The following RARB variants were observed in gnomAD, a reference collection of about 807,000 sequenced individuals.
RARB encodes retinoic acid receptor beta.
A neutral mutation model predicts 51.9 loss-of-function variants in RARB; 17 were observed. The observed-to-expected ratio is 0.33, with a 90% CI of 0.22 to 0.49. The LOEUF is 0.49. Ranked by LOEUF, RARB falls within the 20% of genes least tolerant of loss-of-function variation. The pLI, the probability that RARB is intolerant of heterozygous loss-of-function variation, is 0.99. For synonymous variants in RARB, 215 were observed against 195.4 expected, an observed-to-expected ratio of 1.10 and a Z score of -0.84; for missense variants, 369 against 550.8, an observed-to-expected ratio of 0.67 and a Z score of 3.30.
At chr3:25,076,859 A>G (rs1243632902) in intron 3 of RARB, among the ~76,000 whole-genome samples, 5 of 152,210 alleles carry the variant, frequency 3.3e-5, no homozygotes, top group Admixed American at 3.3e-4. Flanking sequence ...GGGTTACTTT[A>G]TGAACCACAA....
intron 4 of RARB, among the ~76,000 whole-genome samples, chr3:25,145,852 A>G (rs1458921513): frequency 6.6e-6 from 1 of 150,594 alleles, no homozygotes; most frequent in Non-Finnish European, 1.5e-5. Flanking sequence ...AAAAAAAAAT[A>G]TTAACCAGGC....
At chr3:25,138,075 G>A (rs537280372) in intron 4 of RARB, among the ~76,000 whole-genome samples, 3 of 152,190 alleles carry the variant, frequency 2.0e-5, no homozygotes, top group Admixed American at 6.5e-5. Flanking sequence ...AGAAGGCTTT[G>A]TTTTGACTTC....
At chr3:25,553,345 C>A (rs1699922821) in intron 3 of RARB, among the ~76,000 whole-genome samples, 1 of 152,176 alleles carries the variant, frequency 6.6e-6, no homozygotes, top group African/African-American at 2.4e-5. Flanking sequence ...GACAGGGGAG[C>A]AGAGAACTTT....
intron 2 of RARB, among the ~76,000 whole-genome samples, chr3:25,470,258 T>C (rs555244301): frequency 1.3e-5 from 2 of 152,268 alleles, no homozygotes; most frequent in East Asian, 3.9e-4. Context: ...TACGTTTTAA[T>C]GCTGAGAGCA....
At chr3:25,051,452 C>G (rs1166965783) in intron 2 of RARB, among the ~76,000 whole-genome samples, 1 of 152,064 alleles carries the variant, frequency 6.6e-6, no homozygotes, top group African/African-American at 2.4e-5. Flanking sequence ...AATCCAGCCT[C>G]ATTGAATCCT....
intron 2 of RARB, among the ~76,000 whole-genome samples, chr3:25,051,570 C>A (rs563672079): frequency 2.7e-4 from 39 of 143,108 alleles, no homozygotes; most frequent in Non-Finnish European, 5.4e-4. Context: ...AGCTTCGTTA[C>A]CTACATGTAT....
intron 5 of RARB, among the ~76,000 whole-genome samples, chr3:25,395,514 C>T (rs2125490369): frequency 6.6e-6 from 1 of 152,288 alleles, no homozygotes; most frequent in Admixed American, 6.5e-5. Context: ...TCTTAAATTT[C>T]TCTTCTTGCT....
At chr3:25,162,548 A>C (rs1700490013) in intron 4 of RARB, among the ~76,000 whole-genome samples, 1 of 152,200 alleles carries the variant, frequency 6.6e-6, no homozygotes, top group African/African-American at 2.4e-5. Context: ...TCACTCTAAA[A>C]AGGAACTCCA....
At chr3:25,578,275 A>G (rs898221023) in intron 4 of RARB, among the ~76,000 whole-genome samples, 5 of 152,168 alleles carry the variant, frequency 3.3e-5, no homozygotes, top group African/African-American at 1.2e-4. Flanking sequence ...ATAAAACACC[A>G]GGTTATTTTG....
intron 2 of RARB, among the ~76,000 whole-genome samples, chr3:24,965,417 C>A (rs972265289): frequency 1.3e-5 from 2 of 152,076 alleles, no homozygotes; most frequent in African/African-American, 4.8e-5. Context: ...AGTAGGTAGG[C>A]TTTGTCTTCC....
intron 2 of RARB, among the ~76,000 whole-genome samples, chr3:24,978,097 G>T (rs1434950577): frequency 6.6e-6 from 1 of 152,030 alleles, no homozygotes; most frequent in African/African-American, 2.4e-5. Context: ...CCCAGGGATG[G>T]AGCCCACTTG....
chr3:24,994,614 GT>G (rs1244000822), intron 2 of RARB, among the ~76,000 whole-genome samples: 7 of 152,076 alleles, frequency 4.6e-5, no homozygotes, highest in African/African-American at 1.7e-4. Context: ...TCCTCTAATA[GT>G]TTTATTGTTT....
At chr3:24,855,810 G>A (rs1702625906) in intron 1 of RARB, among the ~76,000 whole-genome samples, 1 of 145,374 alleles carries the variant, frequency 6.9e-6, no homozygotes, top group African/African-American at 2.6e-5. Flanking sequence ...GGAGTGCAGT[G>A]GCACGATCTT....
At chr3:25,210,771 G>C (rs1025852299) in intron 5 of RARB, among the ~76,000 whole-genome samples, 3 of 151,888 alleles carry the variant, frequency 2.0e-5, no homozygotes, top group African/African-American at 7.3e-5. Flanking sequence ...CTGACCTCAA[G>C]TGAATCGCCC....
At chr3:25,488,058 G>A (rs570507597) in intron 2 of RARB, among the ~76,000 whole-genome samples, 7 of 152,340 alleles carry the variant, frequency 4.6e-5, no homozygotes, top group East Asian at 1.9e-4. Flanking sequence ...ACTGTTGACA[G>A]TATGGGGAAT....
At chr3:25,385,273 C>A (rs1397221489) in intron 5 of RARB, among the ~76,000 whole-genome samples, 1 of 152,164 alleles carries the variant, frequency 6.6e-6, no homozygotes, top group African/African-American at 2.4e-5. Context: ...ACAATACAGC[C>A]CCCTTTGTGT....
At chr3:25,486,457 G>A (rs1372334793) in intron 2 of RARB, among the ~76,000 whole-genome samples, 4 of 152,136 alleles carry the variant, frequency 2.6e-5, no homozygotes, top group African/African-American at 7.2e-5. Context: ...CCTGGCAGAG[G>A]ATATTTGGCC....
chr3:25,363,004 G>A (rs1705998450), intron 5 of RARB, among the ~76,000 whole-genome samples: 1 of 152,038 alleles, frequency 6.6e-6, no homozygotes, highest in Non-Finnish European at 1.5e-5. Context: ...CGATTTACAG[G>A]TCCTGGCAAT....
chr3:25,587,740 T>C (rs549254049), intron 5 of RARB, among the ~76,000 whole-genome samples: 3 of 152,322 alleles, frequency 2.0e-5, no homozygotes, highest in South Asian at 4.1e-4. Context: ...CACTTAAACA[T>C]TGTTACTAGT....
Sources: gnomAD v4.1 joint callset for allele counts (sites outside exome capture counted in the v4.1 genomes callset) on GRCh38, gnomAD v4.1.1 for gene constraint, MANE v1.5 for transcripts, NCBI Gene and HGNC (gene_info 2026-07-23, HGNC 2026-07-21) for gene names.